The following STAC variants were observed in gnomAD, a reference collection of about 807,000 sequenced individuals.
STAC encodes SH3 and cysteine-rich domain-containing protein.
A neutral mutation model predicts 48.8 loss-of-function variants in STAC; 43 were observed. That is an observed-to-expected ratio of 0.88 (90% CI 0.69 to 1.14). The LOEUF (loss-of-function observed/expected upper bound fraction) is 1.14. STAC is among the 50% of genes most tolerant of loss of function. The probability of loss-of-function intolerance (pLI) is 0.00; values close to 1 mark genes in which losing one functional copy is unlikely to be tolerated. For missense variants in STAC, 497 were observed against 504.0 expected (o/e 0.99, Z 0.13); for synonymous variants, 193 against 179.5 (o/e 1.07, Z -0.60).
intron 1 of STAC, among the ~76,000 whole-genome samples, chr3:36,398,317 A>G (rs1197758800): frequency 1.2e-5 from 1 of 86,876 alleles, no homozygotes; most frequent in Non-Finnish European, 2.3e-5. Flanking sequence ...GAAAGAAAGA[A>G]AGCAAGAAAG....
At chr3:36,500,101 C>G (rs764919602) in intron 6 of STAC, among the ~76,000 whole-genome samples, 5 of 152,030 alleles carry the variant, frequency 3.3e-5, no homozygotes, top group Admixed American at 1.3e-4. Flanking sequence ...TATTGGCAAA[C>G]CAGATAGACA....
intron 1 of STAC, among the ~76,000 whole-genome samples, chr3:36,406,257 G>T (rs145234607): frequency 9.3e-4 from 142 of 152,294 alleles, no homozygotes; most frequent in African/African-American, 3.1e-3. Context: ...AGGCACTTTT[G>T]GGAACAGGCC....
intron 1 of STAC, among the ~76,000 whole-genome samples, chr3:36,422,158 C>T (rs1376279919): frequency 6.6e-6 from 1 of 152,034 alleles, no homozygotes; most frequent in Non-Finnish European, 1.5e-5. Flanking sequence ...AAGATCTACA[C>T]TTTGTGCCTA....
chr3:36,460,458 A>G lies in STAC; in HGVS notation c.388+16818A>G, dbSNP rs374184875. ...GAAACACTAACACACAAAAAAATTT[A>G]TTATATGAAATTAAAATCTAATTGA... On this transcript the variant is annotated intron_variant, in intron 2 of 10. Coordinates refer to ENST00000273183, the MANE Select transcript of STAC (RefSeq NM_003149.3). Among the ~76,000 whole-genome samples, 6 of 152,318 alleles carry G rather than the reference A, an allele frequency of 3.9e-5. No individual in the cohort carries two copies. In the South Asian group the frequency reaches 1.2e-3, roughly 32 times the overall value.
intron 1 of STAC, among the ~76,000 whole-genome samples, chr3:36,400,005 G>GGT (rs1455240991): frequency 3.3e-5 from 5 of 152,188 alleles, no homozygotes; most frequent in Non-Finnish European, 5.9e-5. Flanking sequence ...CTTAAAAGGG[G>GGT]GTGGGTTGAT....
At chr3:36,475,625 T>C (rs1482903614) in intron 2 of STAC, among the ~76,000 whole-genome samples, 1 of 152,190 alleles carries the variant, frequency 6.6e-6, no homozygotes, top group Non-Finnish European at 1.5e-5. Flanking sequence ...GAGGCTGTCG[T>C]GGGTCACCCG....
chr3:36,526,093 T>C (rs1289790588), intron 8 of STAC, among the ~76,000 whole-genome samples: 2 of 152,154 alleles, frequency 1.3e-5, no homozygotes, highest in African/African-American at 4.8e-5. Context: ...TGCAGTTGAA[T>C]TGTGAACAAT....
chr3:36,534,571 T>C (rs1023930857), intron 10 of STAC, among the ~76,000 whole-genome samples: 2 of 149,860 alleles, frequency 1.3e-5, no homozygotes, highest in East Asian at 1.9e-4. Context: ...ATCTGTCTCA[T>C]AATTATTGTA....
intron 8 of STAC, among the ~76,000 whole-genome samples, chr3:36,525,595 C>T (rs1168090631): frequency 1.3e-5 from 2 of 151,744 alleles, no homozygotes; most frequent in Non-Finnish European, 2.9e-5. Context: ...TCCCTATTTA[C>T]AGTTTCTGCC....
At chr3:36,484,951 C>T (rs1284775499) in intron 3 of STAC, 26 bp from the exon 4 acceptor site, 1 of 1,574,488 alleles carries the variant, frequency 6.4e-7, no homozygotes, top group Non-Finnish European at 8.6e-7. Flanking sequence ...GACATTAACC[C>T]CTTGCCTTCC....
At chr3:36,494,343 T>G (rs1698080068) in intron 6 of STAC, among the ~76,000 whole-genome samples, 1 of 152,210 alleles carries the variant, frequency 6.6e-6, no homozygotes, top group Non-Finnish European at 1.5e-5. Context: ...GTCAAAGTCC[T>G]GCAGGACCTG....
chr3:36,446,298 G>A (rs1447717703), intron 2 of STAC, among the ~76,000 whole-genome samples: 1 of 152,192 alleles, frequency 6.6e-6, no homozygotes, highest in Non-Finnish European at 1.5e-5. Flanking sequence ...TCTTCATGGA[G>A]ACATGAGAGA....
At chr3:36,471,794 T>C (rs1161465744) in intron 2 of STAC, among the ~76,000 whole-genome samples, 1 of 152,182 alleles carries the variant, frequency 6.6e-6, no homozygotes, top group Admixed American at 6.5e-5. Flanking sequence ...CCCCTGTGGG[T>C]ATGCAGAGTA....
chr3:36,464,503 T>C (rs1383888220), intron 2 of STAC, among the ~76,000 whole-genome samples: 1 of 152,180 alleles, frequency 6.6e-6, no homozygotes, highest in Non-Finnish European at 1.5e-5. Flanking sequence ...TAATAAGTTC[T>C]TTAGTGGTGA....
intron 6 of STAC, among the ~76,000 whole-genome samples, chr3:36,494,342 C>T (rs1692138936): frequency 1.3e-5 from 2 of 152,116 alleles, no homozygotes; most frequent in Admixed American, 1.3e-4. Context: ...AGTCAAAGTC[C>T]TGCAGGACCT....
At position 36,546,569 on chromosome 3, in the gene STAC, T is replaced by G. The variant is rs1277212835; in HGVS notation, c.*280T>G. ...CAGCAGTAGGACTATAAACCACAGC[T>G]GTCCCCCAGGATCCCACTCCTTTCC... On this transcript the variant is annotated 3_prime_UTR_variant, in exon 11 of 11. Coordinates refer to ENST00000273183, the MANE Select transcript of STAC (RefSeq NM_003149.3). 2.0e-6 allele frequency: 1 copy of G among 495,500 alleles called. No individual in the cohort carries two copies. The highest frequency in any genetic ancestry group is 3.2e-5 in the Admixed American group (1 of 30,844). 30.7% of individuals were successfully genotyped at this position (495,500 alleles called of 1,614,324 possible). A position where few individuals can be genotyped will look rare whatever the true frequency, so the allele number is the denominator to read the frequency against.
intron 2 of STAC, among the ~76,000 whole-genome samples, chr3:36,465,813 T>G (rs1268577211): frequency 1.3e-5 from 2 of 152,088 alleles, no homozygotes; most frequent in Non-Finnish European, 2.9e-5. Flanking sequence ...ATCTCTCTTT[T>G]ACAAATTTTT....
At chr3:36,402,183 A>T (rs1000602735) in intron 1 of STAC, among the ~76,000 whole-genome samples, 2 of 152,182 alleles carry the variant, frequency 1.3e-5, no homozygotes, top group African/African-American at 4.8e-5. Flanking sequence ...TTTAACTTCT[A>T]TTCCCTACAA....
intron 6 of STAC, among the ~76,000 whole-genome samples, chr3:36,502,148 C>A (rs898400050): frequency 6.6e-6 from 1 of 152,024 alleles, no homozygotes; most frequent in Non-Finnish European, 1.5e-5. Flanking sequence ...GAAGAAAGTT[C>A]TTTGGGGATG....
Sources: gnomAD v4.1 joint callset for allele counts (sites outside exome capture counted in the v4.1 genomes callset) on GRCh38, gnomAD v4.1.1 for gene constraint, MANE v1.5 for transcripts, NCBI Gene and HGNC (gene_info 2026-07-23, HGNC 2026-07-21) for gene names.